OSBPL9: variants seen among roughly 807,000 people sequenced by gnomAD.
OSBPL9 encodes the protein oxysterol binding protein like 9, also known as oxysterol-binding protein-related protein 9.
In OSBPL9, 40 loss-of-function variants were observed where a neutral mutation model predicts 106.6. The observed-to-expected ratio is 0.38, with a 90% CI of 0.29 to 0.49. The LOEUF is 0.49. Among genes scored for constraint, OSBPL9 ranks in the 20% least tolerant of loss-of-function variants. OSBPL9 has a pLI of 0.97. For missense variants in OSBPL9, 609 were observed against 887.2 expected (o/e 0.69, Z 3.98); for synonymous variants, 269 against 295.4 (o/e 0.91, Z 0.92).
the OSBPL9 span, among the ~76,000 whole-genome samples, chr1:51,527,073 C>T: frequency 5.3e-5 from 8 of 152,054 alleles, no homozygotes; most frequent in South Asian, 2.1e-4. Flanking sequence ...AAGAATTATA[C>T]GCTAGGACCC....
At chr1:51,607,054 A>C (rs996795025) in intron 2 of OSBPL9, among the ~76,000 whole-genome samples, 56 of 152,078 alleles carry the variant, frequency 3.7e-4, no homozygotes, top group African/African-American at 1.3e-3. Flanking sequence ...CATCTCAAAA[A>C]AAAAGAAAAA....
intron 3 of OSBPL9, among the ~76,000 whole-genome samples, chr1:51,695,397 T>G (rs1169815641): frequency 1.3e-5 from 2 of 152,186 alleles, no homozygotes; most frequent in South Asian, 2.1e-4. Flanking sequence ...AGTTTTGCAC[T>G]GAGGACCCCA....
At chr1:51,737,899 G>A (rs77083641) in intron 4 of OSBPL9, among the ~76,000 whole-genome samples, 3,291 of 152,130 alleles carry the variant, frequency 0.022, 66 homozygotes, top group African/African-American at 0.056. Context: ...GGGTGACCAT[G>A]TAATTTATTG....
At chr1:51,543,194 G>A in the OSBPL9 span, among the ~76,000 whole-genome samples, 6 of 152,112 alleles carry the variant, frequency 3.9e-5, no homozygotes, top group Non-Finnish European at 5.9e-5. Flanking sequence ...GAGAAAGAAC[G>A]TGCACTTAAA....
chr1:51,701,022 C>G (rs533168357), intron 3 of OSBPL9, among the ~76,000 whole-genome samples: 68 of 152,246 alleles, frequency 4.5e-4, no homozygotes, highest in Middle Eastern at 3.4e-3. Flanking sequence ...TCACTGCAAC[C>G]TCTGCCTCCC....
In OSBPL9 at chr1:51,788,938, G is replaced by T. The variant is rs78765446; in HGVS notation, c.*1149G>T. Among the ~76,000 whole-genome samples the T allele has an allele frequency of 6.6e-6, 1 of 152,002 alleles. No individual in the cohort carries two copies. Among genetic ancestry groups the T allele is most frequent in the African/African-American group, 2.4e-5 (1 of 41,342 alleles). On this transcript the variant is annotated 3_prime_UTR_variant, in exon 24 of 24. Transcript: ENST00000428468. ...GTTAGTTATTCAATATACTGGTTAC[G>T]TAAGGCCTTTCAAGAAGTAGATTCT...
chr1:51,676,176 G>A (rs920767877), intron 3 of OSBPL9, among the ~76,000 whole-genome samples: 11 of 151,966 alleles, frequency 7.2e-5, no homozygotes, highest in Non-Finnish European at 1.2e-4. Flanking sequence ...TTAAGAGGCC[G>A]GGCACTTTGG....
At position 51,734,481 on chromosome 1, in the gene OSBPL9, G is replaced by T. The variant is rs141679686; in HGVS notation, c.319-11055G>T. 3.2e-3 allele frequency among the ~76,000 whole-genome samples: 494 copies of T among 152,268 alleles called. 5 individuals are homozygous for T. The highest frequency in any genetic ancestry group is 0.012 in the African/African-American group (481 of 41,562). ...GTTGGAACCTGTAAATTCTTACTGT[G>T]TTTATTTAAATGAAATTAATTTTTA... On this transcript the variant is annotated intron_variant, in intron 4 of 23. Coordinates refer to ENST00000428468, the MANE Select transcript of OSBPL9 (RefSeq NM_024586.6).
chr1:51,544,387 G>A, the OSBPL9 span, among the ~76,000 whole-genome samples: 2 of 151,394 alleles, frequency 1.3e-5, no homozygotes, highest in South Asian at 2.1e-4. Flanking sequence ...ACCATTTTAC[G>A]ATCTCTTAGC....
At chr1:51,650,403 T>C (rs548746224) in intron 1 of OSBPL9, among the ~76,000 whole-genome samples, 1 of 152,320 alleles carries the variant, frequency 6.6e-6, no homozygotes, top group African/African-American at 2.4e-5. Context: ...CCTTTACACT[T>C]GAAGGGAAGA....
chr1:51,711,700 G>C (rs1276351399), intron 3 of OSBPL9, among the ~76,000 whole-genome samples: 5 of 147,676 alleles, frequency 3.4e-5, no homozygotes, highest in Non-Finnish European at 7.5e-5. Context: ...CTCAGACGGG[G>C]CGGCCGGGCA....
At position 51,587,369 on chromosome 1, in the gene OSBPL9, TAAAAA is replaced by T. The variant is rs903543386; in HGVS notation, c.-423+10117_-423+10121del. The stretch of plus-strand genomic sequence containing the variant: ...GACAGAGCCAGACTCCGTCTCAAAA[TAAAAA>T]AAAGAAGAAGAAGAAATCTGAAACT... On this transcript the variant is annotated intron_variant, in intron 1 of 25. Coordinates refer to the OSBPL9 transcript ENST00000371714. Among the ~76,000 whole-genome samples, 3 of 151,582 alleles carry T rather than the reference TAAAAA, an allele frequency of 2.0e-5. No individual in the cohort carries two copies. The East Asian group carries it at 5.8e-4, about 29-fold the overall frequency.
intron 4 of OSBPL9, among the ~76,000 whole-genome samples, chr1:51,716,542 A>G (rs767838601): frequency 6.6e-6 from 1 of 152,230 alleles, no homozygotes; most frequent in Non-Finnish European, 1.5e-5. Flanking sequence ...AAACTTGGTA[A>G]ATGTTAGTTG....
the OSBPL9 span, chr1:51,519,173 C>T: frequency 1.4e-6 from 2 of 1,434,392 alleles, no homozygotes; most frequent in Non-Finnish European, 1.8e-6. Context: ...GCCGGCCAAG[C>T]CCGGCGGACG....
intron 1 of OSBPL9, among the ~76,000 whole-genome samples, chr1:51,637,316 C>A (rs1645509626): frequency 6.6e-6 from 1 of 152,088 alleles, no homozygotes; most frequent in Admixed American, 6.6e-5. Context: ...CATGGTGAAT[C>A]ACCGTCTCTA....
the OSBPL9 span, among the ~76,000 whole-genome samples, chr1:51,555,311 G>A: frequency 7.4e-3 from 1,123 of 151,942 alleles, 11 homozygotes; most frequent in African/African-American, 0.026. Context: ...CCAACATGGC[G>A]AAACCCTGTC....
chr1:51,626,430 A>ATAT (rs140032167), intron 1 of OSBPL9, among the ~76,000 whole-genome samples: 18 of 151,880 alleles, frequency 1.2e-4, no homozygotes, highest in African/African-American at 3.4e-4. Context: ...TTATTTAAGA[A>ATAT]TATTATTATT....
At chr1:51,545,136 A>T in the OSBPL9 span, among the ~76,000 whole-genome samples, 1 of 152,026 alleles carries the variant, frequency 6.6e-6, no homozygotes, top group Admixed American at 6.6e-5. Context: ...GAGCCACCAC[A>T]TCCGACCCAG....
intron 1 of OSBPL9, among the ~76,000 whole-genome samples, chr1:51,579,362 A>G (rs1050620167): frequency 6.6e-6 from 1 of 152,200 alleles, no homozygotes; most frequent in East Asian, 1.9e-4. Flanking sequence ...AAAGAGATGT[A>G]AATATTTTTA....
Sources: gnomAD v4.1 joint callset for allele counts (sites outside exome capture counted in the v4.1 genomes callset) on GRCh38, gnomAD v4.1.1 for gene constraint, MANE v1.5 for transcripts, NCBI Gene and HGNC (gene_info 2026-07-23, HGNC 2026-07-21) for gene names.